RERE: variants seen among roughly 807,000 people sequenced by gnomAD.
RERE encodes arginine-glutamic acid dipeptide repeats.
A neutral mutation model predicts 146.1 loss-of-function variants in RERE; 40 were observed. The ratio of observed to expected loss-of-function variants is 0.27; its 90% CI spans 0.21 to 0.36. RERE has a LOEUF of 0.36. Ranked by LOEUF, RERE falls within the 10% of genes least tolerant of loss-of-function variation. RERE has a pLI of 1.00. For missense variants in RERE, 1,933 were observed against 2,138.7 expected, an observed-to-expected ratio of 0.90 and a Z score of 1.90; for synonymous variants, 1,003 against 866.0, an observed-to-expected ratio of 1.16 and a Z score of -2.78.
intron 6 of RERE, among the ~76,000 whole-genome samples, chr1:8,555,871 T>A (rs1646001109): frequency 3.3e-5 from 5 of 152,186 alleles, no homozygotes; most frequent in Admixed American, 3.3e-4. Context: ...AAATCTTCAA[T>A]ATCTTTCTAC....
chr1:8,600,814 G>A (rs530265035), intron 4 of RERE, among the ~76,000 whole-genome samples: 11 of 145,816 alleles, frequency 7.5e-5, no homozygotes, highest in Admixed American at 2.8e-4. Flanking sequence ...GAGTGCAGTG[G>A]TGCAATCTCG....
At chr1:8,753,074 T>A (rs1640570611) in intron 1 of RERE, among the ~76,000 whole-genome samples, 1 of 152,192 alleles carries the variant, frequency 6.6e-6, no homozygotes, top group African/African-American at 2.4e-5. Flanking sequence ...AAATGCAAGC[T>A]GTGCTTCAGC....
At chr1:8,448,966 C>A (rs954730217) in intron 11 of RERE, among the ~76,000 whole-genome samples, 2 of 152,138 alleles carry the variant, frequency 1.3e-5, no homozygotes, top group Admixed American at 1.3e-4. Context: ...GGAAACCTCA[C>A]GCATGAAACC....
chr1:8,558,930 G>C (rs867946446), intron 4 of RERE, among the ~76,000 whole-genome samples: 2 of 150,540 alleles, frequency 1.3e-5, no homozygotes, highest in Non-Finnish European at 3.0e-5. Flanking sequence ...CAAGTAGCTG[G>C]GATTATAGGT....
At position 8,626,995 on chromosome 1, in the gene RERE, C is replaced by T. The variant is rs75032423; in HGVS notation, c.326-2615G>A. On this transcript the variant is annotated intron_variant, in intron 2 of 22. Coordinates refer to ENST00000400908, the MANE Select transcript of RERE (RefSeq NM_001042681.2). ...TTCAATGGTCTGGTCTCACTCCACA[C>T]CCCATCTTCCCCTAGGCTGCATTCA... is the stretch of plus-strand genomic sequence containing the variant. 9.5e-3 allele frequency among the ~76,000 whole-genome samples: 1,444 copies of T among 152,284 alleles called. 24 individuals are homozygous for T. Among genetic ancestry groups the T allele is most frequent in the African/African-American group, 0.033 (1,388 of 41,552 alleles).
At chr1:8,606,945 A>G (rs1443650163) in intron 4 of RERE, among the ~76,000 whole-genome samples, 1 of 152,212 alleles carries the variant, frequency 6.6e-6, no homozygotes, top group Non-Finnish European at 1.5e-5. Context: ...TAATTTATAT[A>G]GACTCTAAAA....
intron 4 of RERE, among the ~76,000 whole-genome samples, chr1:8,567,078 C>T (rs1221127706): frequency 1.3e-5 from 2 of 151,976 alleles, no homozygotes; most frequent in Admixed American, 6.6e-5. Context: ...TGTGAGGCAC[C>T]GCACCCGGCC....
At chr1:8,504,339 A>G (rs1427404321) in intron 8 of RERE, among the ~76,000 whole-genome samples, 1 of 152,244 alleles carries the variant, frequency 6.6e-6, no homozygotes, top group African/African-American at 2.4e-5. Flanking sequence ...GGATTAAGTG[A>G]AAAGGACAAA....
rs538704186 is a variant in RERE, at chr1:8,557,214, C to T, written c.628+204G>A. Reference sequence around the variant, plus strand: ...AGCAACGTCCTTAGCATCTCTCAACCTCAGTTTCCTCATCTGGAACTAGAG... The same window carrying T: ...AGCAACGTCCTTAGCATCTCTCAACTTCAGTTTCCTCATCTGGAACTAGAG... On this transcript the variant is annotated intron_variant, in intron 5 of 22. Coordinates refer to ENST00000400908, the MANE Select transcript of RERE (RefSeq NM_001042681.2). Among the ~76,000 whole-genome samples the T allele has an allele frequency of 3.3e-5, 5 of 152,298 alleles. No homozygotes were observed. In the East Asian group the frequency reaches 5.8e-4, roughly 18 times the overall value.
intron 8 of RERE, among the ~76,000 whole-genome samples, chr1:8,498,416 C>T (rs1020219396): frequency 6.6e-6 from 1 of 151,222 alleles, no homozygotes; most frequent in Non-Finnish European, 1.5e-5. Flanking sequence ...ATAGTTGAGG[C>T]TGGGCATGGT....
chr1:8,709,613 A>C (rs2124454077), intron 1 of RERE, among the ~76,000 whole-genome samples: 1 of 152,286 alleles, frequency 6.6e-6, no homozygotes, highest in Non-Finnish European at 1.5e-5. Flanking sequence ...CCCACTATTT[A>C]TGTTATACAG....
At position 8,365,969 on chromosome 1, in the gene RERE, C is replaced by T. The variant is rs1308233506; in HGVS notation, c.1290G>A (p.Glu430=). The T allele has an allele frequency of 1.2e-6, 2 of 1,613,094 alleles. No individual in the cohort carries two copies. The highest frequency in any genetic ancestry group is 1.1e-5 in the South Asian group (1 of 91,026). ...KELLPNKETG[E]LITFYYYWKK... ...TCCAATAGTAATAGAAGGTGATCAG[C>T]TCCCCCTGCAGAAGAGAAGGGCTGA... is the stretch of plus-strand genomic sequence containing the variant. The change falls in exon 13 of 23, where the codon GAG becomes GAA. Residue 430 remains glutamate, a synonymous_variant. Transcript: ENST00000400908.
chr1:8,372,543 T>TGTGTGTGTGTGTGTGTG (rs6143112), intron 12 of RERE, among the ~76,000 whole-genome samples: 45 of 150,678 alleles, frequency 3.0e-4, no homozygotes, highest in Middle Eastern at 3.4e-3. Context: ...TGTGTGTGTG[T>TGTGTGTGTGTGTGTGTG]TTTAAATTAA....
chr1:8,526,151 G>T, intron 7 of RERE: 1 of 830,306 alleles, frequency 1.2e-6, no homozygotes, highest in Non-Finnish European at 1.5e-6. Context: ...ATCCAAGACA[G>T]CCAACAGCAG....
At chr1:8,716,782 G>A (rs1295409010) in intron 1 of RERE, among the ~76,000 whole-genome samples, 4 of 151,108 alleles carry the variant, frequency 2.6e-5, no homozygotes, top group Non-Finnish European at 5.9e-5. Flanking sequence ...ACCTGGTGAA[G>A]AAAGTAATAA....
rs530778036 is a variant in RERE, at chr1:8,708,127, A to T, written c.-144-51686T>A. ...AGAGGAAACTACTGTCCTATACAGA[A>T]TACGGAGGGATATGGTTTGGCTCTT... On this transcript the variant is annotated intron_variant, in intron 1 of 22. Transcript: ENST00000400908. Among the ~76,000 whole-genome samples the T allele has an allele frequency of 1.9e-4, 29 of 152,250 alleles. 1 individual carries two copies. In the East Asian group the frequency reaches 5.4e-3, roughly 28 times the overall value.
chr1:8,649,259 T>C (rs1199885398), intron 2 of RERE, among the ~76,000 whole-genome samples: 1 of 150,232 alleles, frequency 6.7e-6, no homozygotes, highest in Non-Finnish European at 1.5e-5. Flanking sequence ...TCAAGGACAA[T>C]ATACAATAGA....
chr1:8,476,381 G>A (rs1488022163), intron 10 of RERE, among the ~76,000 whole-genome samples: 2 of 152,166 alleles, frequency 1.3e-5, no homozygotes, highest in Admixed American at 6.5e-5. Context: ...CAATCTGGTG[G>A]GAGCAATGGG....
Position 8,501,028 on chromosome 1 carries a change from GGGA to G in RERE, c.880-3502_880-3500del, listed in dbSNP as rs1227419935. On this transcript the variant is annotated intron_variant, in intron 8 of 22. Transcript: ENST00000400908. ...TCTCCGCCCGGCAGCCACCCCGTCC[GGGA>G]GGGGGGGGGGGGGTCAGCCCCCCGC... is the stretch of plus-strand genomic sequence containing the variant. 1.5e-3 allele frequency among the ~76,000 whole-genome samples: 140 copies of G among 91,720 alleles called. 16 individuals are homozygous for G. The highest frequency in any genetic ancestry group is 5.4e-3 in the African/African-American group (97 of 18,090). 60.2% of individuals were successfully genotyped at this position (91,720 alleles called of 152,430 possible).
Sources: gnomAD v4.1 joint callset for allele counts (sites outside exome capture counted in the v4.1 genomes callset) on GRCh38, gnomAD v4.1.1 for gene constraint, MANE v1.5 for transcripts, NCBI Gene and HGNC (gene_info 2026-07-23, HGNC 2026-07-21) for gene names.